PRR5: variants seen among roughly 807,000 people sequenced by gnomAD.
PRR5 encodes the protein proline rich 5.
A neutral mutation model predicts 30.6 loss-of-function variants in PRR5; 25 were observed. The observed-to-expected ratio is 0.82, with a 90% CI of 0.60 to 1.14. PRR5 has a LOEUF of 1.14. PRR5 is among the 50% of genes most tolerant of loss of function. The pLI is 0.00. For missense variants in PRR5, 600 were observed against 547.1 expected, an observed-to-expected ratio of 1.10 and a Z score of -0.96; for synonymous variants, 286 against 247.1, an observed-to-expected ratio of 1.16 and a Z score of -1.48.
upstream of PRR5, among the ~76,000 whole-genome samples, chr22:44,701,947 G>A (rs1266854361): frequency 6.6e-6 from 1 of 152,082 alleles, no homozygotes; most frequent in East Asian, 1.9e-4. Flanking sequence ...CTTGGGCTTG[G>A]GCCCTGCGTC....
At chr22:44,721,351 C>T (rs1168840662) in intron 2 of PRR5, among the ~76,000 whole-genome samples, 1 of 152,186 alleles carries the variant, frequency 6.6e-6, no homozygotes, top group Non-Finnish European at 1.5e-5. Context: ...AAGTAGTGGC[C>T]CGCAATCAGT....
intron 1 of PRR5, among the ~76,000 whole-genome samples, chr22:44,702,973 T>A (rs1329185179): frequency 6.6e-6 from 1 of 152,138 alleles, no homozygotes; most frequent in Non-Finnish European, 1.5e-5. Context: ...GCAGGAAGTA[T>A]TTTTCCCATT....
chr22:44,702,430 C>A lies in PRR5; in HGVS notation c.-45C>A. On this transcript the variant is annotated 5_prime_UTR_variant, in exon 1 of 8. Transcript: ENST00000336985. The stretch of plus-strand genomic sequence containing the variant: ...CCTTGGTGCGGCGTGGCGCAGGGCG[C>A]GGCGTGGGGCGCGCGTGGGCGCGGC... 1 of 1,272,866 alleles carries A rather than the reference C, an allele frequency of 7.9e-7. No homozygotes were observed. The highest frequency in any genetic ancestry group is 9.9e-7 in the Non-Finnish European group (1 of 1,007,856). 78.8% of individuals were successfully genotyped at this position (1,272,866 alleles called of 1,614,324 possible).
intron 1 of PRR5, among the ~76,000 whole-genome samples, chr22:44,678,403 G>C (rs1601946548): frequency 6.7e-6 from 1 of 148,286 alleles, no homozygotes; most frequent in African/African-American, 2.5e-5. Flanking sequence ...GCTCACTGCA[G>C]CCTCTGCCTC....
At chr22:44,680,577 C>T (rs1038438137) in intron 1 of PRR5, among the ~76,000 whole-genome samples, 1 of 152,198 alleles carries the variant, frequency 6.6e-6, no homozygotes, top group Non-Finnish European at 1.5e-5. Context: ...GACTCGCCAG[C>T]CTTTGTCCTC....
chr22:44,679,930 G>A (rs1924119312), intron 1 of PRR5: 1 of 1,523,910 alleles, frequency 6.6e-7, no homozygotes. Context: ...CAGGTGTATG[G>A]GTGAGGGTGA....
chr22:44,714,544 G>C (rs927582446), intron 1 of PRR5, 47 bp from the exon 2 acceptor site: 3 of 1,606,216 alleles, frequency 1.9e-6, no homozygotes, highest in Non-Finnish European at 2.5e-6. Context: ...GCAACCAGGG[G>C]GCTCTCAGAC....
upstream of PRR5, among the ~76,000 whole-genome samples, chr22:44,698,713 G>T (rs920388941): frequency 2.0e-5 from 3 of 152,234 alleles, no homozygotes; most frequent in African/African-American, 7.2e-5. Context: ...CTTCAGGGCG[G>T]CCAGAATCCG....
chr22:44,704,612 C>T (rs754930857), intron 1 of PRR5, among the ~76,000 whole-genome samples: 9 of 152,068 alleles, frequency 5.9e-5, no homozygotes, highest in Non-Finnish European at 1.2e-4. Context: ...AGCAGGGGCA[C>T]GGCCATTTCC....
At chr22:44,675,302 A>G (rs1449975646), upstream of PRR5, among the ~76,000 whole-genome samples, 1 of 151,720 alleles carries the variant, frequency 6.6e-6, no homozygotes, top group Non-Finnish European at 1.5e-5. Flanking sequence ...CACGTTGCCC[A>G]GGCTGGTTTT....
intron 2 of PRR5, among the ~76,000 whole-genome samples, chr22:44,724,575 G>A (rs1194584070): frequency 1.3e-5 from 2 of 152,218 alleles, no homozygotes; most frequent in African/African-American, 2.4e-5. Flanking sequence ...CAGCCTGGCT[G>A]GTGTGGAATG....
chr22:44,690,390 G>A (rs998847446), intron 1 of PRR5, among the ~76,000 whole-genome samples: 1 of 152,156 alleles, frequency 6.6e-6, no homozygotes, highest in African/African-American at 2.4e-5. Flanking sequence ...GGCTAAGTTG[G>A]GTAAAGGAGA....
chr22:44,732,966 C>T (rs1164080157), intron 6 of PRR5, among the ~76,000 whole-genome samples: 1 of 151,402 alleles, frequency 6.6e-6, no homozygotes, highest in Non-Finnish European at 1.5e-5. Context: ...CGCGTGCACA[C>T]GCATACACAC....
chr22:44,711,301 G>C (rs576664273), intron 1 of PRR5, among the ~76,000 whole-genome samples: 1 of 152,192 alleles, frequency 6.6e-6, no homozygotes, highest in East Asian at 1.9e-4. Flanking sequence ...AGCTGCGAGG[G>C]AGGGCAGGTG....
intron 7 of PRR5, among the ~76,000 whole-genome samples, chr22:44,735,465 C>G (rs900451174): frequency 6.6e-6 from 1 of 152,154 alleles, no homozygotes; most frequent in Non-Finnish European, 1.5e-5. Context: ...GCGGAGTGCT[C>G]GGAACATGCA....
At chr22:44,681,092 C>T (rs888608002) in intron 1 of PRR5, among the ~76,000 whole-genome samples, 2 of 152,222 alleles carry the variant, frequency 1.3e-5, no homozygotes, top group African/African-American at 2.4e-5. Context: ...CTCTCGGCCC[C>T]TGCATCTGCA....
At chr22:44,687,574 TC>T (rs1685639808) in intron 1 of PRR5, among the ~76,000 whole-genome samples, 1 of 152,176 alleles carries the variant, frequency 6.6e-6, no homozygotes, top group African/African-American at 2.4e-5. Flanking sequence ...AGTGGGTAGA[TC>T]TTTTTCTAGG....
intron 6 of PRR5, among the ~76,000 whole-genome samples, chr22:44,733,856 T>C (rs1922691620): frequency 1.3e-5 from 2 of 152,156 alleles, no homozygotes; most frequent in African/African-American, 4.8e-5. Flanking sequence ...CAGGCGACTT[T>C]GCTCACCCCC....
intron 2 of PRR5, among the ~76,000 whole-genome samples, chr22:44,720,020 C>T (rs1465143029): frequency 6.6e-6 from 1 of 152,178 alleles, no homozygotes; most frequent in East Asian, 1.9e-4. Flanking sequence ...TTTGCTGCAG[C>T]TTCGTCCCCT....
Sources: allele counts gnomAD v4.1 joint callset (sites outside exome capture counted in the v4.1 genomes callset), GRCh38; gene constraint gnomAD v4.1.1; transcripts MANE v1.5; gene names NCBI Gene and HGNC (gene_info 2026-07-23, HGNC 2026-07-21).